EXOC6: variants seen among roughly 807,000 people sequenced by gnomAD.
The protein encoded by EXOC6 is exocyst complex component 6, also known as SEC15-like 1.
A neutral mutation model predicts 112.5 loss-of-function variants in EXOC6; 60 were observed. The observed-to-expected ratio is 0.53, with a 90% confidence interval of 0.43 to 0.66. The LOEUF is 0.66. Among genes scored for constraint, EXOC6 ranks in the 30% least tolerant of loss-of-function variants. The probability of loss-of-function intolerance (pLI) is 0.00; values close to 1 mark genes in which losing one functional copy is unlikely to be tolerated. For missense variants in EXOC6, 855 were observed against 957.1 expected, an observed-to-expected ratio of 0.89 and a Z score of 1.41; for synonymous variants, 295 against 308.0, an observed-to-expected ratio of 0.96 and a Z score of 0.44.
chr10:92,848,910 C>A (rs2066730563), intron 1 of EXOC6, among the ~76,000 whole-genome samples: 1 of 152,116 alleles, frequency 6.6e-6, no homozygotes, highest in Admixed American at 6.5e-5. Context: ...TAACCCCGGG[C>A]CCCGCGCTGC....
chr10:92,982,968 C>G (rs1842879307), intron 18 of EXOC6, among the ~76,000 whole-genome samples: 1 of 152,018 alleles, frequency 6.6e-6, no homozygotes, highest in Non-Finnish European at 1.5e-5. Context: ...AATATATGCT[C>G]AAGAATAAAT....
chr10:92,899,465 G>A (rs2133837772), intron 4 of EXOC6, 134 bp from the exon 5 acceptor site: 4 of 587,178 alleles, frequency 6.8e-6, no homozygotes, highest in Middle Eastern at 4.3e-4. Context: ...CATTTTATTT[G>A]AAAATATTAG....
At chr10:92,840,913 C>G (rs1846825441) in intron 1 of EXOC6, among the ~76,000 whole-genome samples, 1 of 152,102 alleles carries the variant, frequency 6.6e-6, no homozygotes, top group African/African-American at 2.4e-5. Flanking sequence ...CTGCCTTGGC[C>G]TCCCAAAGTG....
At chr10:92,986,384 G>T (rs1843008700) in intron 18 of EXOC6, among the ~76,000 whole-genome samples, 2 of 151,928 alleles carry the variant, frequency 1.3e-5, no homozygotes, top group African/African-American at 4.8e-5. Context: ...GTTTATCTAG[G>T]GTCTATTCCA....
At chr10:93,021,894 T>A (rs562922351) in intron 20 of EXOC6, among the ~76,000 whole-genome samples, 1 of 152,372 alleles carries the variant, frequency 6.6e-6, no homozygotes, top group East Asian at 1.9e-4. Context: ...GTAATTCGTT[T>A]ATGTGATGTT....
intron 1 of EXOC6, among the ~76,000 whole-genome samples, chr10:92,864,725 T>C (rs1277422811): frequency 6.6e-6 from 1 of 152,042 alleles, no homozygotes; most frequent in Non-Finnish European, 1.5e-5. Flanking sequence ...CTGTCTTCTC[T>C]GGCCCATGGA....
rs370524059 is a variant in EXOC6, at chr10:92,858,022, T to TCCCC, written c.101+9392_101+9395dup. Among the ~76,000 whole-genome samples the TCCCC allele has an allele frequency of 0.025, 2,494 of 98,894 alleles. 306 individuals are homozygous for TCCCC. The East Asian group carries it at 0.27, about 11-fold the overall frequency. 64.9% of individuals were successfully genotyped at this position (98,894 alleles called of 152,430 possible). ...TATGTAAGATTTTTAGTTGACGGGT[T>TCCCC]CCCCCCCTCCGCCGGCCAGCAGTTT... On this transcript the variant is annotated intron_variant, in intron 1 of 21. Coordinates refer to ENST00000260762, the MANE Select transcript of EXOC6 (RefSeq NM_019053.6).
upstream of EXOC6, among the ~76,000 whole-genome samples, chr10:92,843,634 G>A (rs1318535418): frequency 6.6e-6 from 1 of 151,758 alleles, no homozygotes; most frequent in African/African-American, 2.4e-5. Context: ...GGATCACAAG[G>A]TCAAGAGATC....
At chr10:93,010,943 T>C (rs1844210772) in intron 19 of EXOC6, among the ~76,000 whole-genome samples, 1 of 152,150 alleles carries the variant, frequency 6.6e-6, no homozygotes, top group African/African-American at 2.4e-5. Context: ...TTGAGCTCTT[T>C]GGTTAAATGA....
At chr10:92,948,988 A>G (rs1187075144) in intron 14 of EXOC6, among the ~76,000 whole-genome samples, 2 of 152,198 alleles carry the variant, frequency 1.3e-5, no homozygotes, top group African/African-American at 4.8e-5. Flanking sequence ...GATTCTCAGA[A>G]TGCACATGAA....
chr10:93,010,166 G>A (rs2134221752), intron 19 of EXOC6, among the ~76,000 whole-genome samples: 1 of 152,252 alleles, frequency 6.6e-6, no homozygotes, highest in South Asian at 2.1e-4. Flanking sequence ...TGTCCTCTGT[G>A]CCAGATGATT....
intron 19 of EXOC6, among the ~76,000 whole-genome samples, chr10:93,000,038 G>A (rs190473956): frequency 7.9e-5 from 12 of 152,206 alleles, no homozygotes; most frequent in Non-Finnish European, 1.2e-4. Context: ...TTTATCATAG[G>A]TATATATGTA....
At chr10:92,841,079 T>A (rs1386809973) in intron 1 of EXOC6, among the ~76,000 whole-genome samples, 1 of 152,208 alleles carries the variant, frequency 6.6e-6, no homozygotes, top group Non-Finnish European at 1.5e-5. Flanking sequence ...AAAATCTACT[T>A]TGAGCAATTT....
chr10:92,852,241 C>G (rs1341822921), intron 1 of EXOC6, among the ~76,000 whole-genome samples: 1 of 152,118 alleles, frequency 6.6e-6, no homozygotes, highest in Non-Finnish European at 1.5e-5. Flanking sequence ...TAAGCCTTCC[C>G]CAAAAGGAAA....
chr10:92,952,130 A>G (rs1198308191), intron 14 of EXOC6, 143 bp from the exon 15 acceptor site: 2 of 585,564 alleles, frequency 3.4e-6, no homozygotes, highest in South Asian at 2.2e-5. Context: ...TTGATAAAAT[A>G]TCAAAAATGT....
chr10:92,953,891 T>A (rs1189177361), intron 15 of EXOC6, among the ~76,000 whole-genome samples: 1 of 152,188 alleles, frequency 6.6e-6, no homozygotes, highest in Non-Finnish European at 1.5e-5. Context: ...ATATTAAAAA[T>A]TAAATTTGTT....
At chr10:92,869,338 G>T (rs547066293) in intron 1 of EXOC6, among the ~76,000 whole-genome samples, 2 of 150,168 alleles carry the variant, frequency 1.3e-5, no homozygotes, top group Non-Finnish European at 3.0e-5. Flanking sequence ...AGACAGGGTC[G>T]CACTCTGTTG....
chr10:92,837,339 T>C (rs1048923261), intron 1 of EXOC6, among the ~76,000 whole-genome samples: 2 of 152,186 alleles, frequency 1.3e-5, no homozygotes, highest in East Asian at 3.9e-4. Flanking sequence ...AATGTCATCA[T>C]TTCAGCAAAG....
At chr10:92,927,374 T>C (rs969614268) in intron 8 of EXOC6, among the ~76,000 whole-genome samples, 12 of 152,194 alleles carry the variant, frequency 7.9e-5, no homozygotes, top group African/African-American at 2.7e-4. Context: ...ATTGAGTGCC[T>C]TCTGCATGCC....
Sources: gnomAD v4.1 joint callset for allele counts (sites outside exome capture counted in the v4.1 genomes callset) on GRCh38, gnomAD v4.1.1 for gene constraint, MANE v1.5 for transcripts, NCBI Gene and HGNC (gene_info 2026-07-23, HGNC 2026-07-21) for gene names.